ACADSB: variants seen among roughly 807,000 people sequenced by gnomAD.
ACADSB encodes short/branched chain specific acyl-CoA dehydrogenase, mitochondrial.
Under a neutral mutation model 54.1 loss-of-function variants are expected in ACADSB, and 40 were observed. The observed-to-expected ratio is 0.74, with a 90% CI of 0.57 to 0.96. The LOEUF is 0.96. Among genes scored for constraint, ACADSB ranks in the 40% least tolerant of loss-of-function variants. The pLI, the probability that ACADSB is intolerant of heterozygous loss-of-function variation, is 0.00. For missense variants in ACADSB, 530 were observed against 510.4 expected (o/e 1.04, Z -0.37); for synonymous variants, 182 against 182.8 (o/e 1.00, Z 0.03).
At chr10:123,036,804 G>A (rs2133476745) in intron 2 of ACADSB, among the ~76,000 whole-genome samples, 1 of 152,258 alleles carries the variant, frequency 6.6e-6, no homozygotes, top group South Asian at 2.1e-4. Context: ...GTACCATGAA[G>A]GACAAAGTGC....
intron 1 of ACADSB, among the ~76,000 whole-genome samples, chr10:123,022,545 G>A (rs1040434273): frequency 5.3e-5 from 8 of 152,190 alleles, no homozygotes; most frequent in African/African-American, 1.7e-4. Context: ...AGTACCGCAC[G>A]TGGTTATAAG....
chr10:123,052,252 C>T lies in ACADSB; in HGVS notation c.1129-809C>T, dbSNP rs540161969. On this transcript the variant is annotated intron_variant, in intron 9 of 10. Coordinates refer to ENST00000358776, the MANE Select transcript of ACADSB (RefSeq NM_001609.4). This position sits in a 1 kb window ranked among gnomAD's most constrained non-coding sequence, Gnocchi z 4.2. ...TAGAGGTCAGAAATCTGAAATGGGT[C>T]TCACTGGAATACAGGGGCTGCCTTT... is the stretch of plus-strand genomic sequence containing the variant. Among the ~76,000 whole-genome samples, 1 of 152,218 alleles carries T rather than the reference C, an allele frequency of 6.6e-6. No individual in the cohort carries two copies. The highest frequency in any genetic ancestry group is 1.5e-5 in the Non-Finnish European group (1 of 68,034).
intron 1 of ACADSB, among the ~76,000 whole-genome samples, chr10:123,016,282 A>T (rs12246051): frequency 0.3 from 45,145 of 152,114 alleles, 7,925 homozygotes; most frequent in Non-Finnish European, 0.39. Flanking sequence ...AGATTTGGAG[A>T]GACTCCAGGG....
At chr10:123,032,286 C>T (rs1850337377) in intron 1 of ACADSB, among the ~76,000 whole-genome samples, 1 of 151,862 alleles carries the variant, frequency 6.6e-6, no homozygotes, top group South Asian at 2.1e-4. Flanking sequence ...GCCTCGTGAG[C>T]TTTCTTTTAA....
At position 123,052,315 on chromosome 10, in the gene ACADSB, G is replaced by A. The variant is rs1850643143; in HGVS notation, c.1129-746G>A. On this transcript the variant is annotated intron_variant, in intron 9 of 10. Coordinates refer to ENST00000358776, the MANE Select transcript of ACADSB (RefSeq NM_001609.4). The surrounding 1 kb of genome is among the most constrained non-coding windows in gnomAD (Gnocchi z 4.2). The stretch of plus-strand genomic sequence containing the variant: ...CAGACAGTTGTTTCCAGCTTCTAGG[G>A]GCTGCTCACATTCCTTGACTCGTAG... 1.3e-5 allele frequency among the ~76,000 whole-genome samples: 2 copies of A among 152,120 alleles called. No individual in the cohort carries two copies. The highest frequency in any genetic ancestry group is 1.5e-5 in the Non-Finnish European group (1 of 68,018).
chr10:123,011,251 C>T (rs1026917106), intron 1 of ACADSB, among the ~76,000 whole-genome samples: 2 of 152,084 alleles, frequency 1.3e-5, no homozygotes, highest in Non-Finnish European at 2.9e-5. Context: ...CACCCACTAC[C>T]CTATTTACTC....
At chr10:123,041,152 G>A (rs1232420895) in intron 4 of ACADSB, 57 bp from the exon 5 acceptor site, 9 of 1,547,270 alleles carry the variant, frequency 5.8e-6, no homozygotes, top group African/African-American at 1.4e-5. Context: ...ATAAGTATTT[G>A]TTATACAGAG....
intron 7 of ACADSB, among the ~76,000 whole-genome samples, 182 bp from the exon 8 acceptor site, chr10:123,047,027 A>C (rs1358716271): frequency 6.6e-6 from 1 of 152,210 alleles, no homozygotes; most frequent in Non-Finnish European, 1.5e-5. Context: ...CAATTATTGG[A>C]AGTTCAGTTC....
chr10:123,033,581 A>G (rs942184435), intron 1 of ACADSB, among the ~76,000 whole-genome samples: 9 of 152,144 alleles, frequency 5.9e-5, no homozygotes, highest in Non-Finnish European at 1.3e-4. Context: ...GCAGTTGTGT[A>G]GAAATAGTCA....
intron 1 of ACADSB, among the ~76,000 whole-genome samples, chr10:123,009,708 T>G (rs1312518666): frequency 7.4e-6 from 1 of 134,888 alleles, no homozygotes; most frequent in Non-Finnish European, 1.8e-5. Context: ...CCGGTCCCTC[T>G]TCCATGAACT....
At chr10:123,022,691 TTATCCTTAGTAACCCAAGGA>T (rs148180835) in intron 1 of ACADSB, among the ~76,000 whole-genome samples, 45,149 of 152,100 alleles carry the variant, frequency 0.3, 7,940 homozygotes, top group Non-Finnish European at 0.39. Context: ...ATTCGAATTC[TTATCCTTAGTAACCCAAGGA>T]TATCCTTAGT....
intron 1 of ACADSB, among the ~76,000 whole-genome samples, chr10:123,028,950 C>G (rs1389175722): frequency 1.3e-5 from 2 of 152,088 alleles, no homozygotes; most frequent in Non-Finnish European, 2.9e-5. Flanking sequence ...ACAGAAAAGT[C>G]CAAAAACTAA....
At position 123,052,882 on chromosome 10, in the gene ACADSB, A is replaced by G. The variant is rs1405831744; in HGVS notation, c.1129-179A>G. 2 of 651,540 alleles carry G rather than the reference A, an allele frequency of 3.1e-6. No individual in the cohort carries two copies. The highest frequency in any genetic ancestry group is 1.8e-5 in the African/African-American group (1 of 55,682). 40.4% of individuals were successfully genotyped at this position (651,540 alleles called of 1,614,324 possible). A position where few individuals can be genotyped will look rare whatever the true frequency, so the allele number is the denominator to read the frequency against. On this transcript the variant is annotated intron_variant, in intron 9 of 10. Coordinates refer to ENST00000358776, the MANE Select transcript of ACADSB (RefSeq NM_001609.4). This position sits in a 1 kb window ranked among gnomAD's most constrained non-coding sequence, Gnocchi z 4.2. ...AATGGGGATTCTGTGAATTAATAGG[A>G]TGTTTTACAGAAATGGTATGGAGAA...
chr10:123,035,685 G>C (rs1436626592), intron 2 of ACADSB, among the ~76,000 whole-genome samples: 1 of 152,178 alleles, frequency 6.6e-6, no homozygotes, highest in East Asian at 1.9e-4. Flanking sequence ...AGCTCCCGTG[G>C]TTGTGTCAGT....
At position 123,043,065 on chromosome 10, in the gene ACADSB, C is replaced by T; in HGVS notation, c.701C>T (p.Ser234Phe). The change falls in exon 6 of 11, where the codon TCC (serine) becomes TTC (phenylalanine). Residue 234 changes from serine (S) to phenylalanine (F), a missense_variant. Physicochemically the swap from Ser to Phe is radical, Grantham distance 155. Coordinates refer to ENST00000358776, the MANE Select transcript of ACADSB (RefSeq NM_001609.4). The stretch of plus-strand genomic sequence containing the variant: ...TTTTAGGGATATAAGGGAATTACCT[C>T]CTTCTTAGTAGATCGTGATACTCCG... ...DPTIGYKGIT[S>F]FLVDRDTPGL... 6.2e-7 allele frequency: 1 copy of T among 1,613,890 alleles called. No individual in the cohort carries two copies. Among genetic ancestry groups the T allele is most frequent in the Non-Finnish European group, 8.5e-7 (1 of 1,179,802 alleles).
chr10:123,018,108 C>G (rs574885113), intron 1 of ACADSB, among the ~76,000 whole-genome samples: 2 of 152,224 alleles, frequency 1.3e-5, no homozygotes, highest in East Asian at 1.9e-4. Flanking sequence ...TTTTAAGACC[C>G]CTGGCTAGGG....
In ACADSB at chr10:123,055,409, C is replaced by T. The variant is rs1850693312; in HGVS notation, c.*1644C>T. On this transcript the variant is annotated 3_prime_UTR_variant, in exon 11 of 11. Transcript: ENST00000358776. ...ATTCAATTACCTCCCCCGGGTCCCT[C>T]CCACAACACATGGGAATTCTGAGAG... is the stretch of plus-strand genomic sequence containing the variant. 6.5e-6 allele frequency: 1 copy of T among 152,994 alleles called. No homozygotes were observed. The highest frequency in any genetic ancestry group is 2.1e-4 in the South Asian group (1 of 4,858). 9.5% of individuals were successfully genotyped at this position (152,994 alleles called of 1,614,324 possible).
At chr10:123,049,162 T>C (rs529028939) in intron 8 of ACADSB, among the ~76,000 whole-genome samples, 1 of 152,344 alleles carries the variant, frequency 6.6e-6, no homozygotes, top group South Asian at 2.1e-4. Context: ...TTATTATAGC[T>C]GTATAATGCT....
intron 2 of ACADSB, among the ~76,000 whole-genome samples, chr10:123,035,113 C>T (rs1256463341): frequency 6.6e-6 from 1 of 152,036 alleles, no homozygotes; most frequent in East Asian, 1.9e-4. Context: ...CCACGCCTGG[C>T]TAGTTTTTTT....
Sources: allele counts gnomAD v4.1 joint callset (sites outside exome capture counted in the v4.1 genomes callset), GRCh38; gene constraint gnomAD v4.1.1; non-coding constraint Gnocchi (gnomAD v3.1); transcripts MANE v1.5; gene names NCBI Gene and HGNC (gene_info 2026-07-23, HGNC 2026-07-21).